The following MN1 variants were observed in gnomAD, a reference collection of about 807,000 sequenced individuals.
MN1 encodes the protein transcriptional activator MN1.
MN1 carries 19 observed loss-of-function variants against 86.9 expected under a neutral mutation model. The observed-to-expected ratio is 0.22, with a 90% CI of 0.15 to 0.32. The LOEUF (loss-of-function observed/expected upper bound fraction) is 0.32. MN1 is among the 10% of genes least tolerant of loss of function. MN1 has a pLI of 1.00. For missense variants in MN1, 1,841 were observed against 1,862.0 expected (o/e 0.99, Z 0.21); for synonymous variants, 928 against 849.6 (o/e 1.09, Z -1.60).
chr22:27,783,196 G>A lies in MN1; in HGVS notation c.3781+13567C>T, dbSNP rs1303808816. Among the ~76,000 whole-genome samples, 10 of 150,432 alleles carry A rather than the reference G, an allele frequency of 6.6e-5. No homozygotes were observed. The East Asian group carries it at 1.8e-3, about 26-fold the overall frequency. ...GTTGCCCAGGCTGGAGTGCAGTGGT[G>A]TGATCTTGGCTCACTGCAACCTCCA... On this transcript the variant is annotated intron_variant, in intron 1 of 1. Transcript: ENST00000302326.
chr22:27,794,804 A>G (rs1173167852), intron 1 of MN1, among the ~76,000 whole-genome samples: 1 of 119,366 alleles, frequency 8.4e-6, no homozygotes, highest in Non-Finnish European at 1.7e-5. Context: ...GGATTCTTTA[A>G]ATCAGGGTTG....
In MN1 at chr22:27,798,767, C is replaced by G; in HGVS notation, c.1777G>C (p.Gly593Arg). ...GGCTGGGCCAAGCCGCCCACCGGGC[C>G]GCCATGCACCAGGCCGCCCTGGCCC... Reference protein sequence around the residue: ...DVGQGGLVHGGPVGGLAQPNF... With the variant: ...DVGQGGLVHGRPVGGLAQPNF... Residue 593 changes from glycine (G) to arginine (R), a missense_variant, in exon 1 of 2, where the codon GGC (glycine) becomes CGC (arginine). Transcript: ENST00000302326. 2.0e-6 allele frequency: 3 copies of G among 1,534,236 alleles called. No homozygotes were observed. Among genetic ancestry groups the G allele is most frequent in the Non-Finnish European group, 2.6e-6 (3 of 1,145,480 alleles).
At chr22:27,777,807 C>T (rs539322966) in intron 1 of MN1, among the ~76,000 whole-genome samples, 5 of 150,212 alleles carry the variant, frequency 3.3e-5, no homozygotes, top group East Asian at 2.0e-4. Flanking sequence ...ACCCAGAAGG[C>T]GGAGGATGCA....
At chr22:27,785,666 T>C (rs1393708835) in intron 1 of MN1, among the ~76,000 whole-genome samples, 2 of 152,116 alleles carry the variant, frequency 1.3e-5, no homozygotes, top group East Asian at 3.9e-4. Flanking sequence ...CTCTTCCGGC[T>C]TTACCTAGCC....
Position 27,748,792 on chromosome 22 carries a change from ACT to A in MN1, c.*2121_*2122del, listed in dbSNP as rs1306426587. The A allele has an allele frequency of 1.3e-5, 3 of 224,048 alleles. No individual in the cohort carries two copies. Among genetic ancestry groups the A allele is most frequent in the African/African-American group, 6.7e-5 (3 of 44,788 alleles). 13.9% of individuals were successfully genotyped at this position (224,048 alleles called of 1,614,324 possible). On this transcript the variant is annotated 3_prime_UTR_variant, in exon 2 of 2. Transcript: ENST00000302326. ...TGAGCTAATTGGCAAAGTGTTGATG[ACT>A]CAACGCTGGGAAAGTCAAAGACAGA...
chr22:27,760,354 A>C (rs953343884), intron 1 of MN1, among the ~76,000 whole-genome samples: 9 of 151,916 alleles, frequency 5.9e-5, no homozygotes, highest in Non-Finnish European at 1.3e-4. Context: ...CAAAGAAAAA[A>C]AAAAATTAAC....
At position 27,799,004 on chromosome 22, in the gene MN1, G is replaced by C. The variant is rs1457319768; in HGVS notation, c.1540C>G (p.His514Asp). Reference protein sequence around the residue: ...DSFPSGPPLQHPAPDHQSLQQ... With the variant: ...DSFPSGPPLQDPAPDHQSLQQ... ...AGGGACTGGTGGTCCGGGGCCGGAT[G>C]CTGCAGGGGCGGCCCCGAAGGGAAG... Residue 514 changes from histidine to aspartate, a missense_variant, in exon 1 of 2, where the codon CAT (histidine) becomes GAT (aspartate). Coordinates refer to ENST00000302326, the MANE Select transcript of MN1 (RefSeq NM_002430.3). The C allele has an allele frequency of 6.2e-7, 1 of 1,610,298 alleles. No individual in the cohort carries two copies. Among genetic ancestry groups the C allele is most frequent in the Admixed American group, 1.7e-5 (1 of 59,708 alleles).
chr22:27,760,856 T>C (rs572651669), intron 1 of MN1, among the ~76,000 whole-genome samples: 189 of 152,338 alleles, frequency 1.2e-3, no homozygotes, highest in Non-Finnish European at 2.3e-3. Flanking sequence ...ACTGTCTCTA[T>C]GCGAGTCGGC....
At chr22:27,776,454 T>C (rs1932979370) in intron 1 of MN1, among the ~76,000 whole-genome samples, 2 of 151,978 alleles carry the variant, frequency 1.3e-5, no homozygotes, top group African/African-American at 2.4e-5. Context: ...CATTAAAAAA[T>C]AATAATAATC....
rs750454755 is a variant in MN1, at chr22:27,797,722, C to T, written c.2822G>A (p.Arg941Gln). ...DGKPVSGGGG[R>Q]GRGRRKRDSG... Reference sequence around the variant, plus strand: ...GTCCCTTTTTCTGCGACCCCGTCCCCGGCCGCCGCCCCCGGAGACCGGCTT... The same window carrying T: ...GTCCCTTTTTCTGCGACCCCGTCCCTGGCCGCCGCCCCCGGAGACCGGCTT... Residue 941 changes from arginine to glutamine, a missense_variant, in exon 1 of 2, where the codon CGG becomes CAG. Transcript: ENST00000302326. 1.4e-5 allele frequency: 23 copies of T among 1,611,290 alleles called. No individual in the cohort carries two copies. Among genetic ancestry groups the T allele is most frequent in the South Asian group, 2.2e-5 (2 of 90,858 alleles).
At position 27,799,121 on chromosome 22, in the gene MN1, C is replaced by G; in HGVS notation, c.1423G>C (p.Gly475Arg). ...TCCAGAGCGCCGTTGTGCATGCTGC[C>G]GTTCCACGAAGCGCAGCGGTCCACT... The part of the protein sequence containing the change: ...AGVDRCASWN[G>R]SMHNGALDNH... Residue 475 changes from glycine to arginine, a missense_variant, in exon 1 of 2, where the codon GGC becomes CGC. Physicochemically the swap from Gly to Arg is moderately radical, Grantham distance 125. Coordinates refer to ENST00000302326, the MANE Select transcript of MN1 (RefSeq NM_002430.3). 6.2e-7 allele frequency: 1 copy of G among 1,603,856 alleles called. No individual in the cohort carries two copies. Among genetic ancestry groups the G allele is most frequent in the Non-Finnish European group, 8.5e-7 (1 of 1,172,810 alleles).
chr22:27,778,311 G>C (rs927578366), intron 1 of MN1, among the ~76,000 whole-genome samples: 11 of 152,214 alleles, frequency 7.2e-5, no homozygotes, highest in Admixed American at 2.0e-4. Flanking sequence ...GCCGTTGAGG[G>C]AATTTCTGCC....
rs544110512 is a variant in MN1 at position 27,761,413 on chromosome 22, T to A, written c.3782-10317A>T. Among the ~76,000 whole-genome samples the A allele has an allele frequency of 9.3e-4, 134 of 144,420 alleles. 4 individuals are homozygous for A. The East Asian group carries it at 0.023, about 25-fold the overall frequency. 94.7% of individuals were successfully genotyped at this position (144,420 alleles called of 152,430 possible). On this transcript the variant is annotated intron_variant, in intron 1 of 1. Coordinates refer to ENST00000302326, the MANE Select transcript of MN1 (RefSeq NM_002430.3). ...CTCTCTCTCTTTCTCTCTCTCTCTCTCACACACACTTTTTGGGGGAAAAAA... is the reference window on the plus strand; with the variant it reads ...CTCTCTCTCTTTCTCTCTCTCTCTCACACACACACTTTTTGGGGGAAAAAA...
chr22:27,799,615 TGCTGCTGCTGCTGCTGCTGGG>T lies in MN1; in HGVS notation c.908_928del (p.Pro303_Gln309del), dbSNP rs1568985874. ...ACTGAACCTCTCAAAGAACACACCA[TGCTGCTGCTGCTGCTGCTGGG>T]GCTGCTGCTGCTGCTGGGGCTGCTG... On this transcript the variant is annotated inframe_deletion, in exon 1 of 2. Transcript: ENST00000302326. 16 of 1,483,804 alleles carry T rather than the reference TGCTGCTGCTGCTGCTGCTGGG, an allele frequency of 1.1e-5. No homozygotes were observed. Among genetic ancestry groups the T allele is most frequent in the Admixed American group, 2.2e-5 (1 of 44,640 alleles). The allele number at this position is 1,483,804 out of a possible 1,614,324, so 91.9% of individuals were successfully genotyped here. A position where few individuals can be genotyped will look rare whatever the true frequency, so the allele number is the denominator to read the frequency against.
chr22:27,781,386 G>A (rs933812583), intron 1 of MN1, among the ~76,000 whole-genome samples: 1 of 152,100 alleles, frequency 6.6e-6, no homozygotes. Flanking sequence ...CACCCATCAG[G>A]GACCCATAGC....
At chr22:27,790,113 G>A (rs982206889) in intron 1 of MN1, among the ~76,000 whole-genome samples, 3 of 152,250 alleles carry the variant, frequency 2.0e-5, no homozygotes, top group Non-Finnish European at 4.4e-5. Flanking sequence ...CTCAAACCTC[G>A]GAGGCTGCTG....
In MN1 at chr22:27,776,056, C is replaced by G. The variant is rs45472194; in HGVS notation, c.3781+20707G>C. On this transcript the variant is annotated intron_variant, in intron 1 of 1. Coordinates refer to ENST00000302326, the MANE Select transcript of MN1 (RefSeq NM_002430.3). ...TTTCCTTTAGCGGAGTTCAGTTCACCCAAAAAAAATTTTTTAAGACCTAGA... is the reference window on the plus strand; with the variant it reads ...TTTCCTTTAGCGGAGTTCAGTTCACGCAAAAAAAATTTTTTAAGACCTAGA... Among the ~76,000 whole-genome samples, 143 of 152,228 alleles carry G rather than the reference C, an allele frequency of 9.4e-4. 1 individual carries two copies. In the East Asian group the frequency reaches 0.023, roughly 25 times the overall value.
In MN1 at chr22:27,751,088, G is replaced by A; in HGVS notation, c.3790C>T (p.Leu1264Phe). 6.3e-7 allele frequency: 1 copy of A among 1,577,322 alleles called. No individual in the cohort carries two copies. The highest frequency in any genetic ancestry group is 2.3e-5 in the East Asian group (1 of 43,778). Reference sequence around the variant, plus strand: ...GATGCTGAGGCCTTGTTTGCAGGGAGGTCGTGGGCTGTGGAGAGAGAAGGA... The same window carrying A: ...GATGCTGAGGCCTTGTTTGCAGGGAAGTCGTGGGCTGTGGAGAGAGAAGGA... Reference protein sequence around the residue: ...QNPNSKEAHDLPANKASASQP... With the variant: ...QNPNSKEAHDFPANKASASQP... The change falls in exon 2 of 2, where the codon CTC becomes TTC. Residue 1264 changes from leucine (L) to phenylalanine (F), a missense_variant. By Grantham distance (22) the Leu-to-Phe change is conservative. Coordinates refer to ENST00000302326, the MANE Select transcript of MN1 (RefSeq NM_002430.3).
chr22:27,759,002 T>A (rs1932817871), intron 1 of MN1, among the ~76,000 whole-genome samples: 1 of 152,036 alleles, frequency 6.6e-6, no homozygotes. Flanking sequence ...ATTCTTGTAT[T>A]TTTTTTATAC....
Sources: allele counts gnomAD v4.1 joint callset (sites outside exome capture counted in the v4.1 genomes callset), GRCh38; gene constraint gnomAD v4.1.1; transcripts MANE v1.5; gene names NCBI Gene and HGNC (gene_info 2026-07-23, HGNC 2026-07-21).